Variants in EPHA10 observed in about 807,000 individuals in gnomAD.
The protein encoded by EPHA10 is EPH receptor A10.
A neutral mutation model predicts 109.7 loss-of-function variants in EPHA10; 120 were observed. The ratio of observed to expected loss-of-function variants is 1.09; its 90% confidence interval spans 0.94 to 1.27. The LOEUF (loss-of-function observed/expected upper bound fraction) is 1.27, where lower values mean the gene tolerates loss of function less well. Among genes scored for constraint, EPHA10 ranks in the 50% most tolerant of loss-of-function variants. EPHA10 has a pLI of 0.00. For missense variants in EPHA10, 1,396 were observed against 1,411.1 expected, an observed-to-expected ratio of 0.99 and a Z score of 0.17; for synonymous variants, 640 against 618.9, an observed-to-expected ratio of 1.03 and a Z score of -0.51.
At chr1:37,742,751 A>G (rs940698322) in intron 5 of EPHA10, among the ~76,000 whole-genome samples, 2 of 152,152 alleles carry the variant, frequency 1.3e-5, no homozygotes, top group African/African-American at 4.8e-5. Context: ...TTTGAGAGGC[A>G]TAGATGGGGG....
intron 7 of EPHA10, 50 bp downstream of exon 7, chr1:37,731,361 T>C (rs1303357357): frequency 6.6e-7 from 1 of 1,510,348 alleles, no homozygotes; most frequent in Non-Finnish European, 8.9e-7. Flanking sequence ...CTCAGCCCCG[T>C]GCAGGGTTCT....
rs557285593 is a variant in EPHA10, at chr1:37,721,075, A to G, written c.2147-231T>C. ...CATGAGCTGCAACAAGCTTGCTAAG[A>G]AAGATCACTCTTTCTAGGAGTGATA... is the stretch of plus-strand genomic sequence containing the variant. On this transcript the variant is annotated intron_variant, in intron 11 of 16. Coordinates refer to ENST00000373048, the MANE Select transcript of EPHA10 (RefSeq NM_001099439.2). 2.0e-4 allele frequency among the ~76,000 whole-genome samples: 31 copies of G among 152,174 alleles called. No homozygotes were observed. The South Asian group carries it at 6.2e-3, about 31-fold the overall frequency.
Position 37,720,369 on chromosome 1 carries a change from C to G in EPHA10, c.2394G>C (p.Glu798Asp). The part of the protein sequence containing the change: ...GFGRGPRDRS[E>D]AVYTTMSGRS... ...CCCTCACCATAGTGGTGTAGACAGC[C>G]TCTGATCGGTCCCGGGGGCCCCGCC... Residue 798 changes from glutamate to aspartate, a missense_variant, in exon 13 of 17, where the codon GAG becomes GAC. Glu to Asp is a conservative substitution (Grantham distance 45, BLOSUM62 2). Transcript: ENST00000373048. 6.2e-7 allele frequency: 1 copy of G among 1,610,270 alleles called. No individual in the cohort carries two copies.
At chr1:37,726,469 G>C (rs1382068998) in intron 8 of EPHA10, among the ~76,000 whole-genome samples, 1 of 152,222 alleles carries the variant, frequency 6.6e-6, no homozygotes. Context: ...GACCCATCTG[G>C]GCGACTCTGC....
chr1:37,753,864 G>A (rs1215677555), intron 4 of EPHA10, among the ~76,000 whole-genome samples: 1 of 152,034 alleles, frequency 6.6e-6, no homozygotes, highest in Non-Finnish European at 1.5e-5. Flanking sequence ...GCAGCATGGG[G>A]ACCGAACCGA....
downstream of EPHA10, chr1:37,715,971 C>T (rs1164417813): frequency 1.7e-6 from 1 of 585,030 alleles, no homozygotes; most frequent in South Asian, 1.4e-5. Flanking sequence ...CAAAGAGGCA[C>T]CATATCACAG....
In EPHA10 at chr1:37,718,280, C is replaced by A. The variant is rs762197945; in HGVS notation, c.*92G>T. On this transcript the variant is annotated 3_prime_UTR_variant, in exon 17 of 17. Transcript: ENST00000373048. ...AGCAGAGGAAGAGAGCGCTCCCTCC[C>A]ACACTGCTGGAGCGCAGCTTGCCAC... is the stretch of plus-strand genomic sequence containing the variant. 3.2e-5 allele frequency: 36 copies of A among 1,117,236 alleles called. No homozygotes were observed. Among genetic ancestry groups the A allele is most frequent in the Non-Finnish European group, 4.4e-5 (34 of 768,944 alleles). The allele number at this position is 1,117,236 out of a possible 1,614,324, so 69.2% of individuals were successfully genotyped here. A position where few individuals can be genotyped will look rare whatever the true frequency, so the allele number is the denominator to read the frequency against.
intron 5 of EPHA10, among the ~76,000 whole-genome samples, chr1:37,746,203 C>T (rs780592299): frequency 6.6e-6 from 1 of 150,726 alleles, no homozygotes; most frequent in African/African-American, 2.4e-5. Context: ...CAGGTTCAAG[C>T]AATTCTCCTA....
intron 6 of EPHA10, among the ~76,000 whole-genome samples, chr1:37,733,315 G>A (rs563128177): frequency 1.3e-4 from 20 of 151,966 alleles, no homozygotes; most frequent in South Asian, 6.2e-4. Flanking sequence ...TCGACTTCCC[G>A]GGCTCAAGCG....
chr1:37,757,646 G>A (rs969575476), intron 3 of EPHA10, among the ~76,000 whole-genome samples: 1 of 152,142 alleles, frequency 6.6e-6, no homozygotes, highest in Non-Finnish European at 1.5e-5. Flanking sequence ...CATCAGACAT[G>A]GTTTGGGTTC....
Position 37,735,265 on chromosome 1 carries a change from AGTATCGGATCTC to A in EPHA10, c.1471_1482del (p.Glu491_Tyr494del). 3 of 1,566,996 alleles carry A rather than the reference AGTATCGGATCTC, an allele frequency of 1.9e-6. No homozygotes were observed. Among genetic ancestry groups the A allele is most frequent in the Non-Finnish European group, 2.6e-6 (3 of 1,155,906 alleles). On this transcript the variant is annotated inframe_deletion, in exon 6 of 17. Coordinates refer to ENST00000373048, the MANE Select transcript of EPHA10 (RefSeq NM_001099439.2). ...CCCAGACACGCACTCACCTTCTCGT[AGTATCGGATCTC>A]GTACTCCGTGTCATTGGCCCCAGGG...
rs1250888947 is a variant in EPHA10 at position 37,723,371 on chromosome 1, G to A, written c.1774C>T (p.Pro592Ser). The change falls in exon 9 of 17, where the codon CCC becomes TCC. Residue 592 changes from proline (P) to serine (S), a missense_variant and splice_region_variant. By Grantham distance (74) the Pro-to-Ser change is moderately conservative. Coordinates refer to ENST00000373048, the MANE Select transcript of EPHA10 (RefSeq NM_001099439.2). ...CCTCCTCCTTTGCCATAGCTGCAGG[G>A]CCTGGCAGGGAGTTCAGGGTCATTC... ...VMSVLAIWRR[P>S]CSYGKGGGDA... 6.2e-7 allele frequency: 1 copy of A among 1,614,134 alleles called. No homozygotes were observed. The highest frequency in any genetic ancestry group is 2.2e-5 in the East Asian group (1 of 44,872).
intron 13 of EPHA10, 62 bp from the exon 14 acceptor site, chr1:37,720,120 C>T (rs1645765323): frequency 1.3e-6 from 2 of 1,590,740 alleles, no homozygotes; most frequent in Admixed American, 1.7e-5. Flanking sequence ...TTCCCCACCC[C>T]ACTGAGCCCC....
intron 1 of EPHA10, among the ~76,000 whole-genome samples, chr1:37,763,129 T>C (rs1646447818): frequency 6.6e-6 from 1 of 152,144 alleles, no homozygotes; most frequent in African/African-American, 2.4e-5. Context: ...AACACAATAT[T>C]TTTCTGTTAC....
chr1:37,735,522 G>A (rs1328701685), intron 5 of EPHA10, 132 bp from the exon 6 acceptor site: 18 of 1,105,630 alleles, frequency 1.6e-5, no homozygotes. Context: ...CTAACGGGCT[G>A]TGGGCGGGGC....
At chr1:37,718,525 C>A (rs201290648) in intron 16 of EPHA10, 39 bp from the exon 17 acceptor site, 1 of 1,600,840 alleles carries the variant, frequency 6.2e-7, no homozygotes, top group African/African-American at 1.3e-5. Flanking sequence ...GGCTTGTCCC[C>A]AACTTCTGCT....
chr1:37,718,633 G>A (rs370165966), intron 16 of EPHA10, 28 bp downstream of exon 16: 159 of 1,612,934 alleles, frequency 9.9e-5, no homozygotes, highest in East Asian at 2.2e-4. Flanking sequence ...CCCCAGCCCC[G>A]GCCTTGACCT....
At chr1:37,741,125 A>G (rs663428) in intron 5 of EPHA10, among the ~76,000 whole-genome samples, 119,167 of 152,080 alleles carry the variant, frequency 0.78, 46,972 homozygotes, top group Admixed American at 0.85. Context: ...CCTGAGCCTC[A>G]GTTTCCCCGT....
At chr1:37,723,771 G>A (rs1355813803) in intron 8 of EPHA10, among the ~76,000 whole-genome samples, 1 of 152,260 alleles carries the variant, frequency 6.6e-6, no homozygotes, top group Admixed American at 6.5e-5. Context: ...AACATGGAGA[G>A]TTAGCCACAA....
Sources: allele counts gnomAD v4.1 joint callset (sites outside exome capture counted in the v4.1 genomes callset), GRCh38; gene constraint gnomAD v4.1.1; transcripts MANE v1.5; gene names NCBI Gene and HGNC (gene_info 2026-07-23, HGNC 2026-07-21).